Variants in NAV3 observed in about 807,000 individuals in gnomAD.
NAV3 encodes the protein pore membrane and/or filament interacting like protein 1.
Under a neutral mutation model 244.7 loss-of-function variants are expected in NAV3, and 87 were observed. That is an observed-to-expected ratio of 0.36 (90% CI 0.30 to 0.42). NAV3 has a LOEUF of 0.42. Ranked by LOEUF, NAV3 falls within the 20% of genes least tolerant of loss-of-function variation. NAV3 has a pLI of 1.00. For synonymous variants in NAV3, 1,126 were observed against 1,042.2 expected (o/e 1.08, Z -1.55); for missense variants, 2,663 against 2,893.3 (o/e 0.92, Z 1.83).
At chr12:77,586,627 G>T (rs1410014658) in intron 2 of NAV3, among the ~76,000 whole-genome samples, 1 of 152,142 alleles carries the variant, frequency 6.6e-6, no homozygotes, top group African/African-American at 2.4e-5. Flanking sequence ...ACTAACTATT[G>T]CAAAATAGGA....
At chr12:77,982,060 T>A (rs11107657) in intron 5 of NAV3, among the ~76,000 whole-genome samples, 2,772 of 152,300 alleles carry the variant, frequency 0.018, 46 homozygotes, top group Non-Finnish European at 0.03. Context: ...TGTCAAAGAT[T>A]GTCTTTACAT....
intron 2 of NAV3, among the ~76,000 whole-genome samples, chr12:77,780,357 C>A (rs1460649980): frequency 2.0e-5 from 3 of 152,140 alleles, no homozygotes; most frequent in African/African-American, 7.2e-5. Context: ...ATGTTAAAAT[C>A]TTCTTATAAA....
chr12:77,874,582 A>G (rs1881568590), intron 1 of NAV3, among the ~76,000 whole-genome samples: 1 of 151,948 alleles, frequency 6.6e-6, no homozygotes, highest in African/African-American at 2.4e-5. Context: ...GCATTGCTTT[A>G]TTACTAGTAA....
At chr12:78,056,955 G>A (rs575857627) in intron 11 of NAV3, among the ~76,000 whole-genome samples, 1 of 152,264 alleles carries the variant, frequency 6.6e-6, no homozygotes, top group South Asian at 2.1e-4. Context: ...TACTCTAGGT[G>A]TAACTCAGAA....
chr12:78,125,265 A>G (rs918289575), intron 16 of NAV3, among the ~76,000 whole-genome samples: 1 of 152,236 alleles, frequency 6.6e-6, no homozygotes, highest in Non-Finnish European at 1.5e-5. Flanking sequence ...ATATAAGTTC[A>G]TGATTTACCT....
chr12:77,886,950 C>T (rs182061609), intron 1 of NAV3, among the ~76,000 whole-genome samples: 1 of 152,066 alleles, frequency 6.6e-6, no homozygotes, highest in African/African-American at 2.4e-5. Context: ...ATGGAACATT[C>T]TTTTCCAGGT....
chr12:77,954,116 T>A (rs1299953882), intron 3 of NAV3, among the ~76,000 whole-genome samples: 1 of 152,158 alleles, frequency 6.6e-6, no homozygotes, highest in African/African-American at 2.4e-5. Flanking sequence ...TCTACCACCA[T>A]GTAAAATGCA....
rs577394418 is a variant in NAV3 at position 77,702,908 on chromosome 12, A to T, written c.72+130642A>T. Among the ~76,000 whole-genome samples the T allele has an allele frequency of 3.3e-5, 5 of 151,908 alleles. No individual in the cohort carries two copies. The East Asian group carries it at 9.7e-4, about 29-fold the overall frequency. ...TAAATCTGATTTTTCCTCTGGTATC[A>T]ATTCCCTTTAGTCTGAAGAACTACC... On this transcript the variant is annotated intron_variant, in intron 2 of 8. Coordinates refer to the NAV3 transcript ENST00000550042.
At chr12:78,031,162 G>A (rs1878916387) in intron 9 of NAV3, among the ~76,000 whole-genome samples, 1 of 152,154 alleles carries the variant, frequency 6.6e-6, no homozygotes, top group Non-Finnish European at 1.5e-5. Flanking sequence ...AACATTCAGA[G>A]TCCTGAAAAT....
chr12:78,120,130 A>T (rs1272099330), intron 15 of NAV3, among the ~76,000 whole-genome samples, 185 bp downstream of exon 15: 1 of 152,102 alleles, frequency 6.6e-6, no homozygotes, highest in Non-Finnish European at 1.5e-5. Context: ...AGCAAAAAAA[A>T]TAGTTCTCAT....
At chr12:77,882,250 T>C (rs1437913926) in intron 1 of NAV3, among the ~76,000 whole-genome samples, 1 of 151,892 alleles carries the variant, frequency 6.6e-6, no homozygotes, top group Non-Finnish European at 1.5e-5. Context: ...CAATGCAACA[T>C]AATAGAAAAC....
At chr12:78,173,986 C>A (rs1340566720) in intron 24 of NAV3, among the ~76,000 whole-genome samples, 3 of 151,590 alleles carry the variant, frequency 2.0e-5, no homozygotes, top group Non-Finnish European at 3.0e-5. Context: ...TTTTACTATT[C>A]AGTAAATCAG....
chr12:77,853,086 T>G (rs995583223), intron 1 of NAV3, among the ~76,000 whole-genome samples: 12 of 152,230 alleles, frequency 7.9e-5, no homozygotes, highest in African/African-American at 2.9e-4. Context: ...TGTACCAGAT[T>G]GCTTTCTTAC....
intron 1 of NAV3, among the ~76,000 whole-genome samples, chr12:77,922,289 CTGTT>C (rs1485736211): frequency 2.0e-5 from 3 of 152,082 alleles, no homozygotes; most frequent in East Asian, 1.9e-4. Flanking sequence ...ATTTGTTTGT[CTGTT>C]TGTTTGTTTA....
chr12:77,974,712 C>T (rs546872930), intron 5 of NAV3, among the ~76,000 whole-genome samples: 23 of 152,260 alleles, frequency 1.5e-4, no homozygotes, highest in Admixed American at 1.1e-3. Flanking sequence ...CAATTCCCAG[C>T]GCAGTGGCAT....
chr12:78,175,274 G>A, intron 24 of NAV3, 32 bp from the exon 25 acceptor site: 1 of 1,606,612 alleles, frequency 6.2e-7, no homozygotes, highest in South Asian at 1.1e-5. Flanking sequence ...GACTCTTCAT[G>A]AGCCGATGTG....
intron 2 of NAV3, among the ~76,000 whole-genome samples, chr12:77,649,217 A>G (rs1046745546): frequency 4.6e-5 from 7 of 152,164 alleles, no homozygotes; most frequent in African/African-American, 1.7e-4. Context: ...CTTCTACTAT[A>G]TGGTAGACAT....
chr12:78,166,717 T>C (rs410450), intron 23 of NAV3, among the ~76,000 whole-genome samples: 7,169 of 151,866 alleles, frequency 0.047, 196 homozygotes, highest in Non-Finnish European at 0.072. Flanking sequence ...ATTGCCTGAA[T>C]GTTCTACATT....
rs1882685068 is a variant in NAV3, at chr12:78,051,062, A to G, written c.2431A>G (p.Met811Val). Residue 811 changes from methionine (M) to valine (V), a missense_variant, in exon 11 of 40, where the codon ATG becomes GTG. This residue lies in a region of NAV3 where 1,521 missense variants were observed against 1,497.0 expected (regional missense o/e 1.02). Coordinates refer to ENST00000397909, the MANE Select transcript of NAV3 (RefSeq NM_001024383.2). ...TGAGAAAGCAAGCAGTGACCTGGACATGTCTTCTGAGGTCGATGTGGGTGG... is the reference window on the plus strand; with the variant it reads ...TGAGAAAGCAAGCAGTGACCTGGACGTGTCTTCTGAGGTCGATGTGGGTGG... ...MSEKASSDLD[M>V]SSEVDVGGYM... 5.0e-6 allele frequency: 8 copies of G among 1,614,014 alleles called. No homozygotes were observed. The highest frequency in any genetic ancestry group is 1.7e-5 in the Admixed American group (1 of 59,998).
Sources: gnomAD v4.1 joint callset for allele counts (sites outside exome capture counted in the v4.1 genomes callset) on GRCh38, gnomAD v4.1.1 for gene constraint, gnomAD v4.1.1 regional missense constraint, MANE v1.5 for transcripts, NCBI Gene and HGNC (gene_info 2026-07-23, HGNC 2026-07-21) for gene names.